Variants in CRYAB observed in about 807,000 individuals in gnomAD.
CRYAB encodes crystallin alpha B, also known as alpha-crystallin B chain.
Under a neutral mutation model 12.7 loss-of-function variants are expected in CRYAB, and 9 were observed. The observed-to-expected ratio is 0.71, with a 90% CI of 0.43 to 1.24. CRYAB has a LOEUF of 1.24. Among genes scored for constraint, CRYAB ranks in the 50% most tolerant of loss-of-function variants. The pLI is 0.00. For synonymous variants in CRYAB, 93 were observed against 86.8 expected (o/e 1.07, Z -0.40); for missense variants, 183 against 226.6 (o/e 0.81, Z 1.24).
intron 1 of CRYAB, among the ~76,000 whole-genome samples, chr11:111,920,817 G>A (rs1016115976): frequency 1.3e-5 from 2 of 152,046 alleles, no homozygotes; most frequent in African/African-American, 4.8e-5. Flanking sequence ...GAATATCCAT[G>A]GAATATCTGA....
chr11:111,912,394 C>A, upstream of CRYAB: 1 of 197,266 alleles, frequency 5.1e-6, no homozygotes, highest in Non-Finnish European at 1.0e-5. Context: ...GCTCTCAGAA[C>A]ATTAAATCCA....
At chr11:111,913,345 G>C, upstream of CRYAB, 1 of 953,624 alleles carries the variant, frequency 1.0e-6, no homozygotes, top group Non-Finnish European at 1.6e-6. Flanking sequence ...CTCCCCTCTT[G>C]CTCTTCCCAA....
At chr11:111,917,519 T>C (rs1965615118), upstream of CRYAB, among the ~76,000 whole-genome samples, 1 of 151,968 alleles carries the variant, frequency 6.6e-6, no homozygotes, top group South Asian at 2.1e-4. Flanking sequence ...AGACCCTATC[T>C]TGGCCAGGTG....
At position 111,908,869 on chromosome 11, in the gene CRYAB, C is replaced by G. The variant is rs781792556; in HGVS notation, c.423G>C (p.Gly141=). ...LTITSSLSSD[G]VLTVNGPRKQ... is the part of the protein sequence containing the mutation. ...TCCTTGGTCCATTCACAGTGAGGACCCCATCAGATGACAGGGATGAAGTAA... is the reference window on the plus strand; with the variant it reads ...TCCTTGGTCCATTCACAGTGAGGACGCCATCAGATGACAGGGATGAAGTAA... Residue 141 remains glycine (G), a synonymous_variant, in exon 3 of 3, where the codon GGG becomes GGC. Coordinates refer to ENST00000650687, the MANE Select transcript of CRYAB (RefSeq NM_001289808.2). 10 of 1,614,084 alleles carry G rather than the reference C, an allele frequency of 6.2e-6. No homozygotes were observed. The highest frequency in any genetic ancestry group is 2.7e-5 in the African/African-American group (2 of 75,022).
chr11:111,914,176 G>C, upstream of CRYAB: 1 of 395,762 alleles, frequency 2.5e-6, no homozygotes, highest in Non-Finnish European at 4.5e-6. Context: ...TAGACAAAAA[G>C]CTCCTCAGTT....
chr11:111,913,960 A>ATAT, upstream of CRYAB: 2 of 1,383,016 alleles, frequency 1.4e-6, no homozygotes, highest in Non-Finnish European at 2.0e-6. Context: ...GCAGCTGCCC[A>ATAT]CCACTCCAGA....
At chr11:111,912,346 A>C, upstream of CRYAB, 1 of 170,526 alleles carries the variant, frequency 5.9e-6, no homozygotes, top group Non-Finnish European at 1.3e-5. Context: ...CCCCTGAAAA[A>C]AGAGCAAACA....
At chr11:111,916,614 G>A (rs1162862916), upstream of CRYAB, among the ~76,000 whole-genome samples, 10 of 152,276 alleles carry the variant, frequency 6.6e-5, no homozygotes, top group East Asian at 1.5e-3. Context: ...TTTTGACAAC[G>A]TAACTTGAAA....
intron 1 of CRYAB, chr11:111,918,840 C>T (rs1965638191): frequency 9.6e-7 from 1 of 1,044,342 alleles, no homozygotes; most frequent in Admixed American, 2.0e-5. Flanking sequence ...CTTCAAAAGT[C>T]CAACCTGCTA....
chr11:111,911,044 G>A (rs1188926401), intron 1 of CRYAB, among the ~76,000 whole-genome samples: 2 of 152,144 alleles, frequency 1.3e-5, no homozygotes, highest in Non-Finnish European at 2.9e-5. Flanking sequence ...CCAGGCCAGC[G>A]CCCTGTCGTA....
intron 2 of CRYAB, chr11:111,909,827 T>C (rs1373295004): frequency 3.4e-6 from 1 of 296,390 alleles, no homozygotes; most frequent in Non-Finnish European, 6.3e-6. Context: ...AATGTAATTA[T>C]GCAAAGCAAC....
chr11:111,910,837 T>C (rs980034176), intron 1 of CRYAB: 20 of 330,820 alleles, frequency 6.0e-5, no homozygotes, highest in African/African-American at 4.3e-4. Context: ...ACCCACCCAA[T>C]CTGGAATGTT....
upstream of CRYAB, among the ~76,000 whole-genome samples, chr11:111,916,702 T>C (rs1555166140): frequency 6.6e-6 from 1 of 152,238 alleles, no homozygotes; most frequent in East Asian, 1.9e-4. Flanking sequence ...TCAATATCCT[T>C]GTTTATCACT....
rs1555166244 is a variant in CRYAB, at chr11:111,918,572, A to G, written c.-199+5131T>C. 7.2e-6 allele frequency: 4 copies of G among 556,838 alleles called. No individual in the cohort carries two copies. The African/African-American group carries it at 7.5e-5, about 10-fold the overall frequency. 34.5% of individuals were successfully genotyped at this position (556,838 alleles called of 1,614,324 possible). A position where few individuals can be genotyped will look rare whatever the true frequency, so the allele number is the denominator to read the frequency against. On this transcript the variant is annotated intron_variant, in intron 1 of 3. Coordinates refer to the CRYAB transcript ENST00000527950. ...GTTAAACCTGAGTGGTGCTGAGCAA[A>G]CTACTACATTAGGCACTCATCTATT...
chr11:111,913,817 C>A, upstream of CRYAB: 1 of 1,614,170 alleles, frequency 6.2e-7, no homozygotes, highest in Non-Finnish European at 8.5e-7. Flanking sequence ...ACACAGAGGT[C>A]AATGAGGTCT....
upstream of CRYAB, chr11:111,912,841 C>T (rs782567564): frequency 1.1e-5 from 18 of 1,604,434 alleles, no homozygotes; most frequent in Non-Finnish European, 1.4e-5. Context: ...TGTCGGGCCG[C>T]TCAGTGCCAC....
chr11:111,911,764 C>T lies in CRYAB; in HGVS notation c.-40G>A, dbSNP rs1365707696. 1.4e-6 allele frequency: 2 copies of T among 1,383,724 alleles called. No individual in the cohort carries two copies. Among genetic ancestry groups the T allele is most frequent in the East Asian group, 2.4e-5 (1 of 40,916 alleles). The allele number at this position is 1,383,724 out of a possible 1,614,324, so 85.7% of individuals were successfully genotyped here. A position where few individuals can be genotyped will look rare whatever the true frequency, so the allele number is the denominator to read the frequency against. ...TGTGAGGGGTCAGCTGGCTGGTCAG[C>T]TCCTTCAGCTGCAGCTACAGCCAGC... is the stretch of plus-strand genomic sequence containing the variant. On this transcript the variant is annotated 5_prime_UTR_variant, in exon 1 of 3. Transcript: ENST00000650687.
chr11:111,911,955 C>CGGCCA, upstream of CRYAB: 1 of 545,430 alleles, frequency 1.8e-6, no homozygotes, highest in South Asian at 2.2e-5. Context: ...ACGTCTGAGC[C>CGGCCA]GGCCAGTGAC....
At chr11:111,913,685 G>A (rs1370962375), upstream of CRYAB, 3 of 1,614,068 alleles carry the variant, frequency 1.9e-6, no homozygotes, top group East Asian at 4.5e-5. Context: ...ACGGCTTCGT[G>A]TCCCGAGAGT....
Sources: gnomAD v4.1 joint callset for allele counts (sites outside exome capture counted in the v4.1 genomes callset) on GRCh38, gnomAD v4.1.1 for gene constraint, MANE v1.5 for transcripts, NCBI Gene and HGNC (gene_info 2026-07-23, HGNC 2026-07-21) for gene names.